Variants in SPDYE3 observed in about 807,000 individuals in gnomAD.
SPDYE3 encodes speedy/RINGO cell cycle regulator family member E3.
SPDYE3 carries 15 observed loss-of-function variants against 55.0 expected under a neutral mutation model. The observed-to-expected ratio is 0.27, with a 90% CI of 0.18 to 0.42. SPDYE3 has a LOEUF of 0.42. SPDYE3 is among the 10% of genes least tolerant of loss of function. The pLI is 1.00. For synonymous variants in SPDYE3, 89 were observed against 229.9 expected, an observed-to-expected ratio of 0.39 and a Z score of 5.55; for missense variants, 236 against 576.7, an observed-to-expected ratio of 0.41 and a Z score of 6.05.
At chr7:100,315,742 C>G in intron 6 of SPDYE3, 43 bp from the exon 7 acceptor site, 3 of 1,597,772 alleles carry the variant, frequency 1.9e-6, no homozygotes, top group African/African-American at 1.3e-5. Context: ...CCCATGGAAA[C>G]CCTGTCCTGC....
chr7:100,321,656 A>G lies in SPDYE3; in HGVS notation c.*811A>G, dbSNP rs1208143974. On this transcript the variant is annotated 3_prime_UTR_variant, in exon 11 of 11. Coordinates refer to ENST00000332397, the MANE Select transcript of SPDYE3 (RefSeq NM_001004351.5). ...AGTTCCCCCAAATTCTGGTCATAGAAATTTTTATTTGCTGTTTAGGTTTGT... is the reference window on the plus strand; with the variant it reads ...AGTTCCCCCAAATTCTGGTCATAGAGATTTTTATTTGCTGTTTAGGTTTGT... 6.6e-6 allele frequency: 1 copy of G among 151,620 alleles called. No individual in the cohort carries two copies. The highest frequency in any genetic ancestry group is 2.4e-5 in the African/African-American group (1 of 41,340). 9.4% of individuals were successfully genotyped at this position (151,620 alleles called of 1,614,324 possible). A position where few individuals can be genotyped will look rare whatever the true frequency, so the allele number is the denominator to read the frequency against.
At chr7:100,308,078 C>T in intron 1 of SPDYE3, 87 bp downstream of exon 1, 1 of 1,437,258 alleles carries the variant, frequency 7.0e-7, no homozygotes, top group African/African-American at 1.4e-5. Context: ...CCCTGTAACA[C>T]CAACACTTTG....
At chr7:100,317,816 A>AAT (rs1363691533) in intron 8 of SPDYE3, among the ~76,000 whole-genome samples, 1 of 150,390 alleles carries the variant, frequency 6.6e-6, no homozygotes, top group Non-Finnish European at 1.5e-5. Context: ...AAAAAAAAAA[A>AAT]ATACAAAAAA....
chr7:100,320,971 G>A lies in SPDYE3; in HGVS notation c.*126G>A. 1 of 1,210,974 alleles carries A rather than the reference G, an allele frequency of 8.3e-7. No individual in the cohort carries two copies. Among genetic ancestry groups the A allele is most frequent in the South Asian group, 1.2e-5 (1 of 85,020 alleles). The allele number at this position is 1,210,974 out of a possible 1,614,324, so 75.0% of individuals were successfully genotyped here. ...ATGGCAGACATCAGGAAGGAGGAGA[G>A]GAGCCATTTGTGCAGATCATCTAGA... On this transcript the variant is annotated 3_prime_UTR_variant, in exon 11 of 11. Transcript: ENST00000332397.
At chr7:100,320,529 A>G in intron 10 of SPDYE3, 1 of 966,474 alleles carries the variant, frequency 1.0e-6, no homozygotes, top group Non-Finnish European at 1.3e-6. Context: ...TTAGAAACAG[A>G]TCTAGCACAG....
intron 8 of SPDYE3, among the ~76,000 whole-genome samples, 172 bp downstream of exon 8, chr7:100,317,327 T>C (rs577893390): frequency 4.3e-4 from 66 of 152,326 alleles, no homozygotes; most frequent in African/African-American, 1.4e-3. Context: ...AAACTCAGGC[T>C]GGGCATGGTG....
In SPDYE3 at chr7:100,320,996, A is replaced by G; in HGVS notation, c.*151A>G. On this transcript the variant is annotated 3_prime_UTR_variant, in exon 11 of 11. Transcript: ENST00000332397. ...GGAGCCATTTGTGCAGATCATCTAGAAGAACCTGGACCATTCTTGACAGAG... is the reference window on the plus strand; with the variant it reads ...GGAGCCATTTGTGCAGATCATCTAGGAGAACCTGGACCATTCTTGACAGAG... 2 of 1,197,912 alleles carry G rather than the reference A, an allele frequency of 1.7e-6. No homozygotes were observed. The highest frequency in any genetic ancestry group is 2.3e-6 in the Non-Finnish European group (2 of 882,272). 74.2% of individuals were successfully genotyped at this position (1,197,912 alleles called of 1,614,324 possible).
intron 6 of SPDYE3, 42 bp from the exon 7 acceptor site, chr7:100,315,743 C>T: frequency 1.3e-6 from 2 of 1,597,812 alleles, no homozygotes; most frequent in South Asian, 1.1e-5. Flanking sequence ...CCATGGAAAC[C>T]CTGTCCTGCT....
intron 8 of SPDYE3, among the ~76,000 whole-genome samples, chr7:100,318,309 C>G (rs1789484480): frequency 6.6e-6 from 1 of 152,142 alleles, no homozygotes; most frequent in Non-Finnish European, 1.5e-5. Flanking sequence ...CACTGCCCAC[C>G]TGAACAACTT....
In SPDYE3 at chr7:100,308,347, A is replaced by G. The variant is rs1394023447; in HGVS notation, c.106+356A>G. On this transcript the variant is annotated intron_variant, in intron 1 of 10. Transcript: ENST00000332397. ...CGCTGTCTCAAAAAAAAAAAAAAAAAAAGAAGAAGAAAAAAAAGAAGGGTC... is the reference window on the plus strand; with the variant it reads ...CGCTGTCTCAAAAAAAAAAAAAAAAGAAGAAGAAGAAAAAAAAGAAGGGTC... Among the ~76,000 whole-genome samples the G allele has an allele frequency of 2.6e-3, 394 of 150,006 alleles. 1 individual carries two copies. The highest frequency in any genetic ancestry group is 4.8e-3 in the Non-Finnish European group (324 of 67,458).
At chr7:100,314,300 C>A (rs1806040742) in intron 5 of SPDYE3, 1 of 569,564 alleles carries the variant, frequency 1.8e-6, no homozygotes, top group Non-Finnish European at 3.0e-6. Context: ...CCTCAGAGAG[C>A]CAGGGACCAG....
At chr7:100,315,945 G>C (rs2129970737) in intron 7 of SPDYE3, 102 bp downstream of exon 7, 1 of 1,554,788 alleles carries the variant, frequency 6.4e-7, no homozygotes, top group Non-Finnish European at 8.8e-7. Context: ...CCTCCCACCA[G>C]ATGCTCCTAC....
intron 8 of SPDYE3, among the ~76,000 whole-genome samples, chr7:100,319,286 G>A (rs959449749): frequency 1.3e-5 from 2 of 152,164 alleles, no homozygotes; most frequent in African/African-American, 4.8e-5. Context: ...GGCCTCAAGT[G>A]ATCCTCCTGC....
intron 9 of SPDYE3, 56 bp from the exon 10 acceptor site, chr7:100,319,875 G>T: frequency 6.2e-7 from 1 of 1,613,508 alleles, no homozygotes; most frequent in South Asian, 1.1e-5. Flanking sequence ...TGGACGAGGG[G>T]AGAGAGGGGT....
In SPDYE3 at chr7:100,319,690, C is replaced by T; in HGVS notation, c.1472C>T (p.Pro491Leu). 6.2e-7 allele frequency: 1 copy of T among 1,614,190 alleles called. No homozygotes were observed. Among genetic ancestry groups the T allele is most frequent in the Non-Finnish European group, 8.5e-7 (1 of 1,180,028 alleles). ...RPKHWFQLCR[P>L]MNPRARKNCS... ...AAGCATTGGTTCCAGTTATGCCGTC[C>T]CATGAACCCGAGGGCCAGGAAGAAC... Residue 491 changes from proline (P) to leucine (L), a missense_variant, in exon 9 of 11, where the codon CCC becomes CTC. Coordinates refer to ENST00000332397, the MANE Select transcript of SPDYE3 (RefSeq NM_001004351.5).
At chr7:100,315,932 C>T in intron 7 of SPDYE3, 89 bp downstream of exon 7, 12 of 1,570,360 alleles carry the variant, frequency 7.6e-6, no homozygotes, top group Non-Finnish European at 9.5e-6. Flanking sequence ...TCTCCCTCCA[C>T]CACCTCCCAC....
At chr7:100,320,240 C>A in intron 10 of SPDYE3, 1 of 1,234,770 alleles carries the variant, frequency 8.1e-7, no homozygotes, top group Non-Finnish European at 1.1e-6. Flanking sequence ...ATCGCTGGAG[C>A]CTGGGAGGTC....
At chr7:100,317,904 AGGCGGAGCTTGCAGT>A (rs2129975121) in intron 8 of SPDYE3, among the ~76,000 whole-genome samples, 1 of 138,592 alleles carries the variant, frequency 7.2e-6, no homozygotes, top group South Asian at 2.5e-4. Context: ...TGAACCTGGG[AGGCGGAGCTTGCAGT>A]GAGCCGAGAT....
At position 100,308,038 on chromosome 7, in the gene SPDYE3, G is replaced by A. The variant is rs761117599; in HGVS notation, c.106+47G>A. 3.6e-5 allele frequency: 54 copies of A among 1,513,758 alleles called. No homozygotes were observed. In the East Asian group the frequency reaches 6.8e-4, roughly 19 times the overall value. 93.8% of individuals were successfully genotyped at this position (1,513,758 alleles called of 1,614,324 possible). A position where few individuals can be genotyped will look rare whatever the true frequency, so the allele number is the denominator to read the frequency against. On this transcript the variant is annotated intron_variant, in intron 1 of 10. Coordinates refer to ENST00000332397, the MANE Select transcript of SPDYE3 (RefSeq NM_001004351.5). ...GAGGTGGCATAGGATTGACTAAGAC[G>A]AAGGAAGGGGGCCAGGTGCGGTAGC...
Sources: allele counts gnomAD v4.1 joint callset (sites outside exome capture counted in the v4.1 genomes callset), GRCh38; gene constraint gnomAD v4.1.1; transcripts MANE v1.5; gene names NCBI Gene and HGNC (gene_info 2026-07-23, HGNC 2026-07-21).